PDXDC1: variants seen among roughly 807,000 people sequenced by gnomAD.
PDXDC1 encodes pyridoxal dependent decarboxylase domain containing 1.
A neutral mutation model predicts 100.1 loss-of-function variants in PDXDC1; 42 were observed. The ratio of observed to expected loss-of-function variants is 0.42; its 90% confidence interval spans 0.33 to 0.54. The LOEUF (loss-of-function observed/expected upper bound fraction) is 0.54, where lower values mean the gene tolerates loss of function less well. Among genes scored for constraint, PDXDC1 ranks in the 20% least tolerant of loss-of-function variants. The probability of loss-of-function intolerance (pLI) is 0.10; values close to 1 mark genes in which losing one functional copy is unlikely to be tolerated. For synonymous variants in PDXDC1, 260 were observed against 371.7 expected, an observed-to-expected ratio of 0.70 and a Z score of 3.46; for missense variants, 636 against 979.2, an observed-to-expected ratio of 0.65 and a Z score of 4.68.
In PDXDC1 at chr16:15,028,944, C is replaced by A. The variant is rs138648808; in HGVS notation, c.1271C>A (p.Ser424Ter). The A allele has an allele frequency of 6.2e-7, 1 of 1,613,388 alleles. No homozygotes were observed. Among genetic ancestry groups the A allele is most frequent in the East Asian group, 2.2e-5 (1 of 44,886 alleles). Residue 424 changes from serine (S) to a stop codon, truncating the protein, a stop_gained, in exon 15 of 23, where the codon TCG becomes TAG. Transcript: ENST00000396410. LOFTEE classifies it high-confidence loss of function. ...TPSGVGRERH[S>*]CDALNRWLGE... The stretch of plus-strand genomic sequence containing the variant: ...TCAGGAGTCGGCCGGGAGAGGCACT[C>A]GTGTGACGCGCTGAATCGCTGGGTG...
chr16:15,062,360 C>G (rs1429214989), intron 16 of PDXDC1, among the ~76,000 whole-genome samples: 1 of 152,152 alleles, frequency 6.6e-6, no homozygotes, highest in East Asian at 1.9e-4. Context: ...GAATTACACG[C>G]CCCTCAACAA....
At chr16:15,003,370 C>T (rs1464027079) in intron 4 of PDXDC1, among the ~76,000 whole-genome samples, 2 of 152,200 alleles carry the variant, frequency 1.3e-5, no homozygotes, top group African/African-American at 4.8e-5. Context: ...GTGCCCACCA[C>T]CAGGCCCGGC....
intron 1 of PDXDC1, among the ~76,000 whole-genome samples, chr16:14,994,143 A>G (rs1815424876): frequency 6.6e-6 from 1 of 152,248 alleles, no homozygotes; most frequent in African/African-American, 2.4e-5. Context: ...CTTTAGTTTA[A>G]TTAGATCCCA....
intron 16 of PDXDC1, chr16:15,086,342 A>G: frequency 2.5e-6 from 4 of 1,613,156 alleles, no homozygotes; most frequent in Non-Finnish European, 3.4e-6. Context: ...CATACTTTAC[A>G]GTAAAATAAA....
At chr16:15,081,935 GAAC>G (rs958526226) in intron 16 of PDXDC1, among the ~76,000 whole-genome samples, 14 of 152,172 alleles carry the variant, frequency 9.2e-5, no homozygotes, top group African/African-American at 3.4e-4. Context: ...CAATTGTCTT[GAAC>G]AACTGGTTAG....
intron 16 of PDXDC1, chr16:15,047,341 A>T (rs2151714149): frequency 1.3e-6 from 1 of 785,682 alleles, no homozygotes; most frequent in Middle Eastern, 2.6e-4. Flanking sequence ...CAGACACGGC[A>T]GTGGTGGCAT....
At chr16:15,092,979 A>T (rs1337440050) in intron 16 of PDXDC1, among the ~76,000 whole-genome samples, 2 of 152,026 alleles carry the variant, frequency 1.3e-5, no homozygotes, top group African/African-American at 4.8e-5. Context: ...TCTATTGGAA[A>T]TACTCTTTTC....
chr16:15,146,100 G>A, the PDXDC1 span, among the ~76,000 whole-genome samples: 1 of 152,204 alleles, frequency 6.6e-6, no homozygotes, highest in African/African-American at 2.4e-5. Context: ...ACATTTGGCA[G>A]CGGTGCCCGG....
At chr16:15,126,140 T>C (rs910083725) in intron 16 of PDXDC1, among the ~76,000 whole-genome samples, 1 of 151,860 alleles carries the variant, frequency 6.6e-6, no homozygotes, top group Admixed American at 6.6e-5. Flanking sequence ...GTTCAGGCGA[T>C]TGTCCTGGCT....
chr16:15,149,118 G>A, the PDXDC1 span, among the ~76,000 whole-genome samples: 1 of 152,278 alleles, frequency 6.6e-6, no homozygotes, highest in South Asian at 2.1e-4. Flanking sequence ...CTTCCTAGAA[G>A]ACACGGGCCT....
In PDXDC1 at chr16:15,028,897, C is replaced by T. The variant is rs1457974509; in HGVS notation, c.1224C>T (p.Val408=). ...TGTCAGATCCGGTGTTTAAAGCCGT[C>T]CCAGTGCCCAACATGACACCTTCAG... The part of the protein sequence containing the change: ...LPGSDPVFKA[V]PVPNMTPSGV... Residue 408 remains valine (V), a synonymous_variant, in exon 15 of 23, where the codon GTC becomes GTT. Transcript: ENST00000396410. 8.7e-6 allele frequency: 14 copies of T among 1,613,856 alleles called. No homozygotes were observed. Among genetic ancestry groups the T allele is most frequent in the Non-Finnish European group, 1.2e-5 (14 of 1,180,034 alleles).
the PDXDC1 span, among the ~76,000 whole-genome samples, chr16:15,146,432 G>A: frequency 6.6e-6 from 1 of 152,120 alleles, no homozygotes; most frequent in Non-Finnish European, 1.5e-5. Context: ...AAGAACAAAA[G>A]GAGTGAGGAC....
intron 16 of PDXDC1, chr16:15,094,255 C>T (rs1423687571): frequency 2.6e-6 from 4 of 1,548,408 alleles, no homozygotes; most frequent in Non-Finnish European, 3.5e-6. Context: ...AACGCGACCG[C>T]TGCGCCTCAG....
At chr16:15,085,356 C>A (rs1043733846) in intron 16 of PDXDC1, among the ~76,000 whole-genome samples, 3 of 152,050 alleles carry the variant, frequency 2.0e-5, no homozygotes, top group Non-Finnish European at 4.4e-5. Flanking sequence ...AGTGTCTTGC[C>A]ACCAAGCAGG....
intron 16 of PDXDC1, among the ~76,000 whole-genome samples, chr16:15,097,938 CTTTTTT>C (rs35852184): frequency 2.2e-5 from 2 of 89,620 alleles, no homozygotes; most frequent in East Asian, 3.6e-4. Context: ...CAACATTATG[CTTTTTT>C]TTTTTTTTTT....
rs537801538 is a variant in PDXDC1 at position 15,068,973 on chromosome 16, A to G, written c.1399+38917A>G. ...GGATGTCACAGCTTACAAAAACAAG[A>G]TATTTAATCCAGATTCCTGGCATTA... is the stretch of plus-strand genomic sequence containing the variant. On this transcript the variant is annotated intron_variant, in intron 16 of 16. Transcript: ENST00000535621. Among the ~76,000 whole-genome samples, 6 of 152,360 alleles carry G rather than the reference A, an allele frequency of 3.9e-5. 1 individual carries two copies. In the South Asian group the frequency reaches 1.0e-3, roughly 26 times the overall value.
chr16:15,131,650 C>G, intron 16 of PDXDC1: 1 of 1,586,576 alleles, frequency 6.3e-7, no homozygotes, highest in Non-Finnish European at 8.6e-7. Context: ...TGACTCGGCT[C>G]CCAGCTCTGA....
intron 16 of PDXDC1, among the ~76,000 whole-genome samples, chr16:15,050,378 T>A (rs2044247881): frequency 6.6e-6 from 1 of 152,216 alleles, no homozygotes; most frequent in Non-Finnish European, 1.5e-5. Flanking sequence ...GTCTTAGTCT[T>A]CTATCAGCTT....
At chr16:15,127,057 G>C in intron 16 of PDXDC1, 1 of 352,408 alleles carries the variant, frequency 2.8e-6, no homozygotes, top group Non-Finnish European at 5.6e-6. Flanking sequence ...TGAAGTGTTG[G>C]GATTATAGGC....
Sources: allele counts gnomAD v4.1 joint callset (sites outside exome capture counted in the v4.1 genomes callset), GRCh38; gene constraint gnomAD v4.1.1; transcripts MANE v1.5; gene names NCBI Gene and HGNC (gene_info 2026-07-23, HGNC 2026-07-21).